The following CGNL1 variants were observed in gnomAD, a reference collection of about 807,000 sequenced individuals.
CGNL1 encodes the protein cingulin like 1.
Under a neutral mutation model 141.2 loss-of-function variants are expected in CGNL1, and 132 were observed. That is an observed-to-expected ratio of 0.93 (90% CI 0.81 to 1.08). The LOEUF is 1.08. Ranked by LOEUF, CGNL1 falls within the 50% of genes least tolerant of loss-of-function variation. CGNL1 has a pLI of 0.00. For synonymous variants in CGNL1, 690 were observed against 622.1 expected (o/e 1.11, Z -1.63); for missense variants, 1,870 against 1,588.6 (o/e 1.18, Z -3.01).
chr15:57,407,695 G>A (rs2062739009), intron 1 of CGNL1, among the ~76,000 whole-genome samples: 1 of 151,828 alleles, frequency 6.6e-6, no homozygotes, highest in African/African-American at 2.4e-5. Context: ...GCAGGGTGGT[G>A]GGGCTTGACA....
intron 7 of CGNL1, among the ~76,000 whole-genome samples, chr15:57,458,860 A>C (rs1057475932): frequency 6.6e-6 from 1 of 152,214 alleles, no homozygotes; most frequent in Non-Finnish European, 1.5e-5. Flanking sequence ...CGTTACCTGC[A>C]TGGGTCTCTT....
intron 3 of CGNL1, 151 bp downstream of exon 3, chr15:57,440,622 G>A (rs1287407777): frequency 1.5e-6 from 1 of 649,838 alleles, no homozygotes; most frequent in Non-Finnish European, 2.7e-6. Flanking sequence ...TTTCGTGACG[G>A]CATTTGTCTT....
intron 8 of CGNL1, among the ~76,000 whole-genome samples, chr15:57,502,559 A>G (rs1317923845): frequency 1.3e-5 from 2 of 152,222 alleles, no homozygotes; most frequent in Non-Finnish European, 2.9e-5. Flanking sequence ...ATCTGGAGAA[A>G]TGGAAACTTT....
At chr15:57,422,899 C>T (rs1300316619) in intron 1 of CGNL1, among the ~76,000 whole-genome samples, 4 of 152,120 alleles carry the variant, frequency 2.6e-5, no homozygotes, top group Non-Finnish European at 4.4e-5. Context: ...AGTGACTCAT[C>T]TAAGGGAAGG....
intron 8 of CGNL1, among the ~76,000 whole-genome samples, chr15:57,487,454 T>C (rs534713379): frequency 1.3e-5 from 2 of 152,350 alleles, no homozygotes; most frequent in South Asian, 2.1e-4. Flanking sequence ...AGTACTGACA[T>C]ACTGGGTTAG....
intron 1 of CGNL1, among the ~76,000 whole-genome samples, chr15:57,397,709 C>T (rs1308719732): frequency 3.3e-5 from 5 of 151,410 alleles, no homozygotes; most frequent in Non-Finnish European, 2.9e-5. Flanking sequence ...AGCCTTTTTT[C>T]TTGATTATGT....
At chr15:57,408,896 G>A (rs1161630092) in intron 1 of CGNL1, among the ~76,000 whole-genome samples, 2 of 152,048 alleles carry the variant, frequency 1.3e-5, no homozygotes, top group Admixed American at 6.5e-5. Flanking sequence ...AAAAAAATTA[G>A]CCAGGCATGG....
intron 11 of CGNL1, 132 bp from the exon 12 acceptor site, chr15:57,524,449 A>C: frequency 1.2e-6 from 1 of 821,648 alleles, no homozygotes; most frequent in Non-Finnish European, 1.9e-6. Flanking sequence ...ACTCAGGATC[A>C]GGTGCTGGGC....
intron 16 of CGNL1, among the ~76,000 whole-genome samples, chr15:57,545,271 A>G (rs2032794339): frequency 6.6e-6 from 1 of 152,240 alleles, no homozygotes; most frequent in African/African-American, 2.4e-5. Context: ...AGGCCAGAAC[A>G]GCCTGGAGTA....
rs2062364369 is a variant in CGNL1 at position 57,376,515 on chromosome 15, C to G, written c.-68C>G. 1 of 152,106 alleles carries G rather than the reference C, an allele frequency of 6.6e-6. No individual in the cohort carries two copies. Among genetic ancestry groups the G allele is most frequent in the East Asian group, 1.9e-4 (1 of 5,176 alleles). The allele number at this position is 152,106 out of a possible 1,614,324, so 9.4% of individuals were successfully genotyped here. On this transcript the variant is annotated 5_prime_UTR_variant, in exon 1 of 19. Transcript: ENST00000281282. ...GGCGCCGCGGCCCTTGCACTCCGGC[C>G]GGGCTCTGCTGGCTGCGGCGGGAGC...
chr15:57,455,878 T>C (rs16977512), intron 7 of CGNL1, among the ~76,000 whole-genome samples: 97 of 152,280 alleles, frequency 6.4e-4, no homozygotes, highest in African/African-American at 2.3e-3. Flanking sequence ...GAGTGGGCAA[T>C]AGCACATATT....
rs71116514 is a variant in CGNL1 at position 57,378,363 on chromosome 15, G to GTTTTTTTTTTTTT, written c.-16+1819_-16+1831dup. ...TTTCTTAGGGGGTGGCCCTCTATGT[G>GTTTTTTTTTTTTT]TTTTTTTTTTTTTTTTTTTTTTTTT... On this transcript the variant is annotated intron_variant, in intron 1 of 18. Transcript: ENST00000281282. Among the ~76,000 whole-genome samples, 24 of 33,936 alleles carry GTTTTTTTTTTTTT rather than the reference G, an allele frequency of 7.1e-4. 5 individuals carry two copies. Among genetic ancestry groups the GTTTTTTTTTTTTT allele is most frequent in the Non-Finnish European group, 8.8e-4 (16 of 18,102 alleles). 22.3% of individuals were successfully genotyped at this position (33,936 alleles called of 152,430 possible).
intron 8 of CGNL1, among the ~76,000 whole-genome samples, chr15:57,469,006 CCTT>C (rs2063546607): frequency 6.6e-6 from 1 of 152,154 alleles, no homozygotes; most frequent in South Asian, 2.1e-4. Flanking sequence ...CAATTAAACC[CCTT>C]TCTTTTGTAA....
chr15:57,491,840 G>A (rs2063867858), intron 8 of CGNL1, among the ~76,000 whole-genome samples: 1 of 152,120 alleles, frequency 6.6e-6, no homozygotes, highest in Non-Finnish European at 1.5e-5. Flanking sequence ...GATGCAAATA[G>A]TACTGGGACC....
intron 1 of CGNL1, chr15:57,406,077 A>G (rs1321481121): frequency 1.3e-5 from 2 of 152,402 alleles, no homozygotes; most frequent in African/African-American, 4.8e-5. Context: ...AAGGCACATC[A>G]GTGGGTGATG....
intron 8 of CGNL1, among the ~76,000 whole-genome samples, chr15:57,512,428 T>C (rs1485273317): frequency 6.6e-6 from 1 of 152,072 alleles, no homozygotes; most frequent in African/African-American, 2.4e-5. Context: ...TTTGGGAAGA[T>C]TTGCTAACAT....
intron 8 of CGNL1, among the ~76,000 whole-genome samples, chr15:57,515,012 C>T (rs2030653540): frequency 6.6e-6 from 1 of 152,162 alleles, no homozygotes; most frequent in Non-Finnish European, 1.5e-5. Flanking sequence ...AACTTTGTCT[C>T]ACATGTTAAT....
At chr15:57,396,812 A>C (rs1395300110) in intron 1 of CGNL1, 4 of 152,126 alleles carry the variant, frequency 2.6e-5, no homozygotes, top group Non-Finnish European at 2.9e-5. Context: ...TTGACTCCAT[A>C]GCCTATGGAC....
At chr15:57,388,171 G>A (rs1202102761) in intron 1 of CGNL1, among the ~76,000 whole-genome samples, 2 of 152,188 alleles carry the variant, frequency 1.3e-5, no homozygotes, top group African/African-American at 4.8e-5. Context: ...TGAGATTCTG[G>A]GGCCTTAGGG....
Sources: allele counts gnomAD v4.1 joint callset (sites outside exome capture counted in the v4.1 genomes callset), GRCh38; gene constraint gnomAD v4.1.1; transcripts MANE v1.5; gene names NCBI Gene and HGNC (gene_info 2026-07-23, HGNC 2026-07-21).